DPYSL2: variants seen among roughly 807,000 people sequenced by gnomAD.
DPYSL2 encodes the protein dihydropyrimidinase-related protein 2.
Under a neutral mutation model 69.9 loss-of-function variants are expected in DPYSL2, and 13 were observed. The ratio of observed to expected loss-of-function variants is 0.19; its 90% CI spans 0.12 to 0.30. The LOEUF (loss-of-function observed/expected upper bound fraction) is 0.30, where lower values mean the gene tolerates loss of function less well. Ranked by LOEUF, DPYSL2 falls within the 10% of genes least tolerant of loss-of-function variation. The pLI, the probability that DPYSL2 is intolerant of heterozygous loss-of-function variation, is 1.00. For missense variants in DPYSL2, 587 were observed against 918.9 expected (o/e 0.64, Z 4.67); for synonymous variants, 326 against 359.1 (o/e 0.91, Z 1.04).
Position 26,643,008 on chromosome 8 carries a change from T to G in DPYSL2, c.1127-431T>G, listed in dbSNP as rs1319565261. ...GTCAGAGCTAGACACTGTGAAGGGC[T>G]AGGAATTGTGAAAAGATTGTGTGAA... On this transcript the variant is annotated intron_variant, in intron 8 of 13. Transcript: ENST00000521913. This position sits in a 1 kb window ranked among gnomAD's most constrained non-coding sequence, Gnocchi z 6.5. The G allele has an allele frequency of 1.2e-5, 2 of 162,386 alleles. No homozygotes were observed. The highest frequency in any genetic ancestry group is 2.4e-5 in the African/African-American group (1 of 41,578). The allele number at this position is 162,386 out of a possible 1,614,324, so 10.1% of individuals were successfully genotyped here.
Position 26,643,724 on chromosome 8 carries a change from GT to G in DPYSL2, c.1283+131del. The G allele has an allele frequency of 1.4e-6, 2 of 1,398,568 alleles. No homozygotes were observed. Among genetic ancestry groups the G allele is most frequent in the Admixed American group, 3.9e-5 (2 of 51,140 alleles). The allele number at this position is 1,398,568 out of a possible 1,614,324, so 86.6% of individuals were successfully genotyped here. A position where few individuals can be genotyped will look rare whatever the true frequency, so the allele number is the denominator to read the frequency against. ...GGGAGACCCTTGTTCACCAAACTAG[GT>G]TGGCTACATGAGTACAGGGAATTGT... On this transcript the variant is annotated intron_variant, in intron 9 of 13. Transcript: ENST00000521913. The surrounding 1 kb of genome is among the most constrained non-coding windows in gnomAD (Gnocchi z 6.5).
intron 8 of DPYSL2, among the ~76,000 whole-genome samples, chr8:26,635,998 G>C (rs533012783): frequency 1.2e-4 from 18 of 152,206 alleles, no homozygotes; most frequent in African/African-American, 4.1e-4. Flanking sequence ...ATTGCTCAAT[G>C]ATGACTGAGT....
At position 26,591,013 on chromosome 8, in the gene DPYSL2, C is replaced by A. The variant is rs879643483; in HGVS notation, c.628+7030C>A. Among the ~76,000 whole-genome samples the A allele has an allele frequency of 1.3e-5, 2 of 152,196 alleles. No individual in the cohort carries two copies. Among genetic ancestry groups the A allele is most frequent in the Non-Finnish European group, 2.9e-5 (2 of 68,036 alleles). On this transcript the variant is annotated intron_variant, in intron 3 of 13. Transcript: ENST00000521913. This position sits in a 1 kb window ranked among gnomAD's most constrained non-coding sequence, Gnocchi z 5.8. The stretch of plus-strand genomic sequence containing the variant: ...GACATTGTGGCAGTTATCATACTGT[C>A]CCAGGGTTTCTTGCCCCCACCTGGC...
rs1803372750 is a variant in DPYSL2 at position 26,655,760 on chromosome 8, TTC to T, written c.*56_*57del. The stretch of plus-strand genomic sequence containing the variant: ...ACTGGGGATGGGACACCTGAGGACA[TTC>T]TGAGACTTCTTTCTTCCTTCCTTTT... On this transcript the variant is annotated 3_prime_UTR_variant, in exon 14 of 14. Coordinates refer to ENST00000521913, the MANE Select transcript of DPYSL2 (RefSeq NM_001197293.3). 34 of 1,363,404 alleles carry T rather than the reference TTC, an allele frequency of 2.5e-5. No individual in the cohort carries two copies. The highest frequency in any genetic ancestry group is 3.3e-5 in the Non-Finnish European group (33 of 1,012,304). 84.5% of individuals were successfully genotyped at this position (1,363,404 alleles called of 1,614,324 possible). A position where few individuals can be genotyped will look rare whatever the true frequency, so the allele number is the denominator to read the frequency against.
In DPYSL2 at chr8:26,609,179, G is replaced by A. The variant is rs1043556430; in HGVS notation, c.629-14964G>A. Among the ~76,000 whole-genome samples, 5 of 152,290 alleles carry A rather than the reference G, an allele frequency of 3.3e-5. No individual in the cohort carries two copies. In the South Asian group the frequency reaches 1.0e-3, roughly 32 times the overall value. The stretch of plus-strand genomic sequence containing the variant: ...ATAAATGATGTCTTGAAATAGAGGG[G>A]TGAGCATCACCTCATTTATTTCAAC... On this transcript the variant is annotated intron_variant, in intron 3 of 13. Coordinates refer to ENST00000521913, the MANE Select transcript of DPYSL2 (RefSeq NM_001197293.3). This position sits in a 1 kb window ranked among gnomAD's most constrained non-coding sequence, Gnocchi z 6.5.
At chr8:26,637,128 C>G (rs1802940487) in intron 8 of DPYSL2, among the ~76,000 whole-genome samples, 2 of 152,180 alleles carry the variant, frequency 1.3e-5, no homozygotes, top group Non-Finnish European at 2.9e-5. Context: ...CCTTCCAGAG[C>G]CTTCTGAGTG....
At position 26,653,212 on chromosome 8, in the gene DPYSL2, G is replaced by T. The variant is rs763898380; in HGVS notation, c.1777-20G>T. 1 of 1,611,556 alleles carries T rather than the reference G, an allele frequency of 6.2e-7. No individual in the cohort carries two copies. The highest frequency in any genetic ancestry group is 1.1e-5 in the South Asian group (1 of 90,676). ...CTCTGTGGCTGTGGCCTGAGCTGGG[G>T]GGACTCTTGTGTTTTGCAGCTGGCT... On this transcript the variant is annotated intron_variant, in intron 12 of 13. Coordinates refer to ENST00000521913, the MANE Select transcript of DPYSL2 (RefSeq NM_001197293.3). This position sits in a 1 kb window ranked among gnomAD's most constrained non-coding sequence, Gnocchi z 5.7.
At chr8:26,559,297 A>G (rs752558184) in intron 1 of DPYSL2, among the ~76,000 whole-genome samples, 12 of 152,206 alleles carry the variant, frequency 7.9e-5, no homozygotes, top group Non-Finnish European at 1.8e-4. Flanking sequence ...ATATTTGCCC[A>G]TTATTTCCTT....
chr8:26,559,196 G>A (rs62492719), intron 1 of DPYSL2, among the ~76,000 whole-genome samples: 14,907 of 152,170 alleles, frequency 0.098, 828 homozygotes, highest in Non-Finnish European at 0.12. Context: ...ACTCGCCTCC[G>A]CCTCCCAAAG....
At chr8:26,522,820 A>G (rs1808410355) in intron 1 of DPYSL2, among the ~76,000 whole-genome samples, 1 of 152,128 alleles carries the variant, frequency 6.6e-6, no homozygotes, top group Non-Finnish European at 1.5e-5. Context: ...TTTTGATGGT[A>G]TGCAAAAGTT....
intron 1 of DPYSL2, among the ~76,000 whole-genome samples, chr8:26,523,655 C>CTTT (rs370588739): frequency 1.3e-5 from 2 of 151,518 alleles, no homozygotes; most frequent in African/African-American, 4.9e-5. Flanking sequence ...AATTTCCTTA[C>CTTT]TTTTTTTTTC....
intron 1 of DPYSL2, among the ~76,000 whole-genome samples, chr8:26,567,465 C>G (rs1801170962): frequency 6.6e-6 from 1 of 152,236 alleles, no homozygotes; most frequent in African/African-American, 2.4e-5. Context: ...CTATTACAGG[C>G]AAGGCCTTAC....
At position 26,557,151 on chromosome 8, in the gene DPYSL2, G is replaced by T. The variant is rs1801001432; in HGVS notation, c.355-24818G>T. Among the ~76,000 whole-genome samples the T allele has an allele frequency of 2.0e-5, 3 of 150,504 alleles. No homozygotes were observed. In the South Asian group the frequency reaches 6.3e-4, roughly 32 times the overall value. On this transcript the variant is annotated intron_variant, in intron 1 of 13. Transcript: ENST00000521913. ...ATATAACATAGAAGATGACTTTTTA[G>T]ATACAACACCAAAAGCATGGTCCAT...
chr8:26,521,578 G>C (rs1180038172), intron 1 of DPYSL2, among the ~76,000 whole-genome samples: 12 of 151,908 alleles, frequency 7.9e-5, no homozygotes, highest in African/African-American at 2.9e-4. Flanking sequence ...TGCATTCACA[G>C]TGTTGTGTAA....
At position 26,576,315 on chromosome 8, in the gene DPYSL2, T is replaced by G. The variant is rs1240174272; in HGVS notation, c.355-5654T>G. ...CACAGCAGCTCGAATTATTCCGTATTTATCTAGCTAAGCTTTGCTGAGCAG... is the reference window on the plus strand; with the variant it reads ...CACAGCAGCTCGAATTATTCCGTATGTATCTAGCTAAGCTTTGCTGAGCAG... On this transcript the variant is annotated intron_variant, in intron 1 of 13. Coordinates refer to ENST00000521913, the MANE Select transcript of DPYSL2 (RefSeq NM_001197293.3). Among the ~76,000 whole-genome samples the G allele has an allele frequency of 2.6e-5, 4 of 152,146 alleles. No individual in the cohort carries two copies. In the East Asian group the frequency reaches 7.7e-4, roughly 29 times the overall value.
At chr8:26,521,811 G>A (rs899937111) in intron 1 of DPYSL2, among the ~76,000 whole-genome samples, 2 of 152,074 alleles carry the variant, frequency 1.3e-5, no homozygotes, top group South Asian at 4.2e-4. Context: ...TTTTCACTTA[G>A]TATAATGTTT....
intron 1 of DPYSL2, among the ~76,000 whole-genome samples, chr8:26,557,569 G>T (rs113086884): frequency 0.074 from 10,366 of 140,086 alleles, 435 homozygotes; most frequent in South Asian, 0.23. Flanking sequence ...TTTGAGGCCA[G>T]GAGTTTGAGA....
rs1803111971 is a variant in DPYSL2, at chr8:26,644,146, A to G, written c.1425+55A>G. The stretch of plus-strand genomic sequence containing the variant: ...GCTCTCAGCCTTCCTTGTCCTCCTC[A>G]TCTGGGGGCCATGGGGCTCATGGAG... On this transcript the variant is annotated intron_variant, in intron 10 of 13. Coordinates refer to ENST00000521913, the MANE Select transcript of DPYSL2 (RefSeq NM_001197293.3). This position sits in a 1 kb window ranked among gnomAD's most constrained non-coding sequence, Gnocchi z 4.5. The G allele has an allele frequency of 4.4e-6, 7 of 1,588,306 alleles. No individual in the cohort carries two copies. Among genetic ancestry groups the G allele is most frequent in the Admixed American group, 3.5e-5 (2 of 57,894 alleles).
At position 26,580,602 on chromosome 8, in the gene DPYSL2, G is replaced by T. The variant is rs1801470287; in HGVS notation, c.355-1367G>T. ...TCTGAACCAAGGTGTGTGTATTTAT[G>T]TGTAAAATTATCTTTTTTCCTTGCT... On this transcript the variant is annotated intron_variant, in intron 1 of 13. Transcript: ENST00000521913. This position sits in a 1 kb window ranked among gnomAD's most constrained non-coding sequence, Gnocchi z 4.1. 1.3e-5 allele frequency among the ~76,000 whole-genome samples: 2 copies of T among 152,174 alleles called. No individual in the cohort carries two copies. The highest frequency in any genetic ancestry group is 2.9e-5 in the Non-Finnish European group (2 of 68,026).
Sources: gnomAD v4.1 joint callset for allele counts (sites outside exome capture counted in the v4.1 genomes callset) on GRCh38, gnomAD v4.1.1 for gene constraint, Gnocchi (gnomAD v3.1) non-coding constraint, MANE v1.5 for transcripts, NCBI Gene and HGNC (gene_info 2026-07-23, HGNC 2026-07-21) for gene names.